SAMD14: variants seen among roughly 807,000 people sequenced by gnomAD.
SAMD14 encodes the protein sterile alpha motif domain-containing protein 14.
In SAMD14, 27 loss-of-function variants were observed where a neutral mutation model predicts 46.2. The ratio of observed to expected loss-of-function variants is 0.58; its 90% CI spans 0.43 to 0.81. The LOEUF (loss-of-function observed/expected upper bound fraction) is 0.81, where lower values mean the gene tolerates loss of function less well. Ranked by LOEUF, SAMD14 falls within the 30% of genes least tolerant of loss-of-function variation. The pLI, the probability that SAMD14 is intolerant of heterozygous loss-of-function variation, is 0.00. For missense variants in SAMD14, 559 were observed against 582.2 expected (o/e 0.96, Z 0.41); for synonymous variants, 241 against 254.3 (o/e 0.95, Z 0.50).
chr17:50,125,048 GT>G, intron 1 of SAMD14, 77 bp from the exon 2 acceptor site: 1 of 1,347,384 alleles, frequency 7.4e-7, no homozygotes, highest in Non-Finnish European at 1.1e-6. Context: ...CAGAAGAGAT[GT>G]GGAAGGCTAC....
intron 8 of SAMD14, 35 bp from the exon 9 acceptor site, chr17:50,114,114 T>C (rs1319652080): frequency 6.2e-7 from 1 of 1,613,656 alleles, no homozygotes; most frequent in Non-Finnish European, 8.5e-7. Flanking sequence ...GGGGGAGGCT[T>C]GGCCTGTGAC....
In SAMD14 at chr17:50,113,914, T is replaced by A. The variant is rs1911018281; in HGVS notation, c.1098+10A>T. ...CTGGGCTGGGTCATGGCCCTTCCAC[T>A]CTGACCCACCTTTAGTTTGCTTCCG... On this transcript the variant is annotated intron_variant, in intron 9 of 9. Coordinates refer to ENST00000330175, the MANE Select transcript of SAMD14 (RefSeq NM_001257359.2). The A allele has an allele frequency of 6.2e-7, 1 of 1,613,568 alleles. No individual in the cohort carries two copies. The highest frequency in any genetic ancestry group is 8.5e-7 in the Non-Finnish European group (1 of 1,179,904).
chr17:50,113,406 C>T, intron 9 of SAMD14: 1 of 270,722 alleles, frequency 3.7e-6, no homozygotes, highest in Non-Finnish European at 7.1e-6. Context: ...ACCCTCCTCA[C>T]TTCCAGAGAC....
At chr17:50,123,234 C>T (rs181191657) in intron 2 of SAMD14, among the ~76,000 whole-genome samples, 49 of 152,342 alleles carry the variant, frequency 3.2e-4, no homozygotes, top group African/African-American at 1.1e-3. Flanking sequence ...TACAGACAGA[C>T]GGTCTAGCTC....
chr17:50,117,837 G>C (rs1292926541), intron 3 of SAMD14, 142 bp from the exon 4 acceptor site: 2 of 900,642 alleles, frequency 2.2e-6, no homozygotes, highest in African/African-American at 1.8e-5. Context: ...TAGGCAGCGG[G>C]GTGGCTGGAG....
intron 4 of SAMD14, 145 bp from the exon 5 acceptor site, chr17:50,116,235 T>C: frequency 1.6e-6 from 2 of 1,278,862 alleles, no homozygotes; most frequent in Non-Finnish European, 2.1e-6. Context: ...TGTCCTAGGA[T>C]AAGCCACTTT....
chr17:50,112,961 C>T lies in SAMD14; in HGVS notation c.1186G>A (p.Ala396Thr), dbSNP rs114394600. ...CGCTGCCGCGCAGCCTTCTCCTGGG[C>T]CTTGCGCTCCTTCTCGGCAGCTGCT... is the stretch of plus-strand genomic sequence containing the variant. ...MAAAAEKERK[A>T]QEKAARQREK... is the part of the protein sequence containing the mutation. The change falls in exon 10 of 10, where the codon GCC (alanine) becomes ACC (threonine). Residue 396 changes from alanine (A) to threonine (T), a missense_variant. Ala to Thr is a moderately conservative substitution (Grantham distance 58). Coordinates refer to ENST00000330175, the MANE Select transcript of SAMD14 (RefSeq NM_001257359.2). 1.1e-5 allele frequency: 17 copies of T among 1,611,116 alleles called. No homozygotes were observed. The African/African-American group carries it at 2.0e-4, about 19-fold the overall frequency.
At position 50,110,128 on chromosome 17, in the gene SAMD14, G is replaced by A. The variant is rs774728398; in HGVS notation, c.*2765C>T. 1.9e-6 allele frequency: 3 copies of A among 1,558,200 alleles called. No homozygotes were observed. Among genetic ancestry groups the A allele is most frequent in the East Asian group, 2.3e-5 (1 of 43,200 alleles). The stretch of plus-strand genomic sequence containing the variant: ...GCCGTGCATCTGCACCTGAGAGGAC[G>A]GACTGCCGCCTCTGGGTCCCCCCAC... On this transcript the variant is annotated 3_prime_UTR_variant, in exon 10 of 10. Transcript: ENST00000330175.
At position 50,117,634 on chromosome 17, in the gene SAMD14, C is replaced by T. The variant is rs1390245323; in HGVS notation, c.272G>A (p.Gly91Glu). 1.9e-6 allele frequency: 3 copies of T among 1,560,418 alleles called. No individual in the cohort carries two copies. Among genetic ancestry groups the T allele is most frequent in the African/African-American group, 2.8e-5 (2 of 72,078 alleles). ...GCAGAAAGAGCCCCCGGCCGGGGAC[C>T]CCGGGCCTGAGTGCAAAGGCGAGCG... ...RLRSPLHSGP[G>E]SPAGGSFCLD... The change falls in exon 4 of 10, where the codon GGG becomes GAG. Residue 91 changes from glycine (G) to glutamate (E), a missense_variant. Gly to Glu is a moderately conservative substitution (Grantham distance 98). Transcript: ENST00000330175.
rs948920282 is a variant in SAMD14, at chr17:50,129,678, G to T, written c.-174C>A. On this transcript the variant is annotated 5_prime_UTR_variant, in exon 1 of 10. Transcript: ENST00000330175. The surrounding 1 kb of genome is among the most constrained non-coding windows in gnomAD (Gnocchi z 5.6). ...GCTCCATCCCGGGGGTGGGGGTGAG[G>T]TCGGCGGGAAGGGTCCCAGAGCCGG... The T allele has an allele frequency of 6.6e-6, 1 of 151,880 alleles. No homozygotes were observed. The highest frequency in any genetic ancestry group is 2.4e-5 in the African/African-American group (1 of 41,298). 9.4% of individuals were successfully genotyped at this position (151,880 alleles called of 1,614,324 possible).
rs1910947047 is a variant in SAMD14, at chr17:50,113,035, C to G, written c.1112G>C (p.Ser371Thr). ...CACCAGTGCCCGGTCATGAGAGTTG[C>G]TGAGCCCCAGGCTCTGGGGAGGAGT... ...DGSKLKSLGL[S>T]NSHDRALVKR... is the part of the protein sequence containing the mutation. Residue 371 changes from serine to threonine, a missense_variant, in exon 10 of 10, where the codon AGC becomes ACC. Physicochemically the swap from Ser to Thr is moderately conservative, Grantham distance 58 (BLOSUM62 1). Coordinates refer to ENST00000330175, the MANE Select transcript of SAMD14 (RefSeq NM_001257359.2). The G allele has an allele frequency of 1.2e-6, 2 of 1,612,112 alleles. No homozygotes were observed. The highest frequency in any genetic ancestry group is 2.2e-5 in the South Asian group (2 of 91,092).
In SAMD14 at chr17:50,114,012, C is replaced by T. The variant is rs1441492653; in HGVS notation, c.1010G>A (p.Ser337Asn). ...TSQQVGQWLQ[S>N]LNLEQYAAEF... is the part of the protein sequence containing the mutation. Reference sequence around the variant, plus strand: ...AGCAGCATACTGTTCCAGGTTGAGGCTCTGCAGCCACTGGCCCACCTGCTG... The same window carrying T: ...AGCAGCATACTGTTCCAGGTTGAGGTTCTGCAGCCACTGGCCCACCTGCTG... Residue 337 changes from serine (S) to asparagine (N), a missense_variant, in exon 9 of 10, where the codon AGC becomes AAC. Transcript: ENST00000330175. The T allele has an allele frequency of 6.8e-6, 11 of 1,613,556 alleles. No individual in the cohort carries two copies. The highest frequency in any genetic ancestry group is 8.5e-6 in the Non-Finnish European group (10 of 1,180,050).
rs539979994 is a variant in SAMD14 at position 50,115,177 on chromosome 17, G to C, written c.822+387C>G. 6.6e-6 allele frequency among the ~76,000 whole-genome samples: 1 copy of C among 152,140 alleles called. No homozygotes were observed. On this transcript the variant is annotated intron_variant, in intron 7 of 9. Transcript: ENST00000330175. This position sits in a 1 kb window ranked among gnomAD's most constrained non-coding sequence, Gnocchi z 5.3. ...AGACCACTAGGTTGGGGTCCTGTTTGTCTCTATATCCCCCAGGCCTCACCC... is the reference window on the plus strand; with the variant it reads ...AGACCACTAGGTTGGGGTCCTGTTTCTCTCTATATCCCCCAGGCCTCACCC...
chr17:50,120,503 T>A (rs2144406516), intron 2 of SAMD14, among the ~76,000 whole-genome samples: 1 of 152,322 alleles, frequency 6.6e-6, no homozygotes, highest in South Asian at 2.1e-4. Context: ...CTAGTCTATT[T>A]TCAACACAGC....
chr17:50,117,369 A>G, intron 4 of SAMD14, 38 bp downstream of exon 4: 1 of 1,276,444 alleles, frequency 7.8e-7, no homozygotes, highest in East Asian at 3.2e-5. Context: ...TGCGCCCGGG[A>G]GCGACCAGCA....
intron 9 of SAMD14, chr17:50,113,490 C>A: frequency 3.8e-6 from 1 of 263,214 alleles, no homozygotes; most frequent in Non-Finnish European, 7.3e-6. Flanking sequence ...AGGAACCTCC[C>A]AGCTTATAGG....
rs1373486874 is a variant in SAMD14, at chr17:50,114,039, C to G, written c.983G>C (p.Ser328Thr). Residue 328 changes from serine (S) to threonine (T), a missense_variant, in exon 9 of 10, where the codon AGC becomes ACC. Transcript: ENST00000330175. ...CTGCAGCCACTGGCCCACCTGCTGG[C>G]TGGTCCAGTGGTGGACAGGGGGGAG... ...EPLPPVHHWTSQQVGQWLQSL... is the reference protein window; with the variant it reads ...EPLPPVHHWTTQQVGQWLQSL... 2 of 1,613,712 alleles carry G rather than the reference C, an allele frequency of 1.2e-6. No individual in the cohort carries two copies. Among genetic ancestry groups the G allele is most frequent in the Admixed American group, 3.3e-5 (2 of 60,026 alleles).
intron 9 of SAMD14, 196 bp from the exon 10 acceptor site, chr17:50,113,244 G>A: frequency 1.6e-6 from 1 of 606,968 alleles, no homozygotes; most frequent in Non-Finnish European, 2.8e-6. Flanking sequence ...AGTGTGGTTG[G>A]GAAAGATGAG....
rs1416145704 is a variant in SAMD14 at position 50,116,349 on chromosome 17, G to A, written c.500-259C>T. ...GACAGCCTTTTACAAACTATAAAAC[G>A]TTCCAAAAAGGTAGGAATCACTACC... On this transcript the variant is annotated intron_variant, in intron 4 of 9. Transcript: ENST00000330175. The A allele has an allele frequency of 2.7e-5, 10 of 373,110 alleles. No homozygotes were observed. In the Admixed American group the frequency reaches 3.0e-4, roughly 11 times the overall value. 23.1% of individuals were successfully genotyped at this position (373,110 alleles called of 1,614,324 possible). A position where few individuals can be genotyped will look rare whatever the true frequency, so the allele number is the denominator to read the frequency against.
Sources: allele counts gnomAD v4.1 joint callset (sites outside exome capture counted in the v4.1 genomes callset), GRCh38; gene constraint gnomAD v4.1.1; non-coding constraint Gnocchi (gnomAD v3.1); transcripts MANE v1.5; gene names NCBI Gene and HGNC (gene_info 2026-07-23, HGNC 2026-07-21).